ST18: variants seen among roughly 807,000 people sequenced by gnomAD.
ST18 encodes suppression of tumorigenicity 18 protein.
Under a neutral mutation model 110.0 loss-of-function variants are expected in ST18, and 50 were observed. The ratio of observed to expected loss-of-function variants is 0.45; its 90% CI spans 0.36 to 0.58. ST18 has a LOEUF of 0.58. Among genes scored for constraint, ST18 ranks in the 20% least tolerant of loss-of-function variants. The pLI, the probability that ST18 is intolerant of heterozygous loss-of-function variation, is 0.00. For missense variants in ST18, 1,306 were observed against 1,280.1 expected, an observed-to-expected ratio of 1.02 and a Z score of -0.31; for synonymous variants, 461 against 452.4, an observed-to-expected ratio of 1.02 and a Z score of -0.24.
At chr8:52,194,858 A>T (rs1455950329) in intron 8 of ST18, 1 of 152,240 alleles carries the variant, frequency 6.6e-6, no homozygotes, top group Non-Finnish European at 1.5e-5. Flanking sequence ...ATGAACAATC[A>T]TATCATTTTA....
Position 52,163,930 on chromosome 8 carries a change from C to T in ST18, c.1400+56G>A, listed in dbSNP as rs1383603853. On this transcript the variant is annotated intron_variant, in intron 13 of 25. Transcript: ENST00000689386. The stretch of plus-strand genomic sequence containing the variant: ...CTGACTCATGAAGGACCAGAGGCCC[C>T]GCTGTGCAGGAGCCTGGATGAAGAG... 11 of 1,406,702 alleles carry T rather than the reference C, an allele frequency of 7.8e-6. No homozygotes were observed. The East Asian group carries it at 9.3e-5, about 12-fold the overall frequency. The allele number at this position is 1,406,702 out of a possible 1,614,324, so 87.1% of individuals were successfully genotyped here.
At chr8:52,235,886 T>C (rs918864446) in intron 2 of ST18, among the ~76,000 whole-genome samples, 1 of 152,184 alleles carries the variant, frequency 6.6e-6, no homozygotes, top group East Asian at 1.9e-4. Flanking sequence ...AATCATATGC[T>C]ACAATTAGAG....
chr8:52,388,433 A>G (rs879030694), intron 2 of ST18, among the ~76,000 whole-genome samples: 1 of 152,100 alleles, frequency 6.6e-6, no homozygotes, highest in Admixed American at 6.5e-5. Context: ...TTCTCAAGGT[A>G]AAGTGCCATA....
At chr8:52,235,156 C>A (rs962982420) in intron 2 of ST18, among the ~76,000 whole-genome samples, 1 of 151,810 alleles carries the variant, frequency 6.6e-6, no homozygotes, top group South Asian at 2.1e-4. Flanking sequence ...AAAAATTACA[C>A]GATGAATGCC....
chr8:52,399,113 G>A (rs1040902730), intron 2 of ST18, among the ~76,000 whole-genome samples: 1 of 151,848 alleles, frequency 6.6e-6, no homozygotes, highest in African/African-American at 2.4e-5. Flanking sequence ...TTATTCTCTT[G>A]ATTTGTTATT....
At chr8:52,247,639 A>G (rs2093964787) in intron 2 of ST18, among the ~76,000 whole-genome samples, 1 of 152,254 alleles carries the variant, frequency 6.6e-6, no homozygotes, top group Non-Finnish European at 1.5e-5. Flanking sequence ...AGATTCAAAA[A>G]TAAAACATTC....
intron 15 of ST18, among the ~76,000 whole-genome samples, chr8:52,157,718 A>T (rs1298491689): frequency 1.3e-5 from 2 of 152,018 alleles, no homozygotes; most frequent in African/African-American, 4.8e-5. Flanking sequence ...TTGGCCACCA[A>T]CTCTTCCTGG....
At chr8:52,116,488 G>A (rs1435295074) in intron 24 of ST18, 70 bp from the exon 25 acceptor site, 5 of 1,493,784 alleles carry the variant, frequency 3.3e-6, no homozygotes, top group Non-Finnish European at 4.5e-6. Context: ...TCTCCCTGAA[G>A]GAAAATGCAC....
At chr8:52,321,174 G>A (rs933752516) in intron 2 of ST18, among the ~76,000 whole-genome samples, 4 of 152,142 alleles carry the variant, frequency 2.6e-5, no homozygotes, top group South Asian at 2.1e-4. Context: ...ACACCTGGAC[G>A]GGAAGAGACA....
chr8:52,228,918 A>G (rs1397186266), intron 3 of ST18, among the ~76,000 whole-genome samples: 3 of 152,174 alleles, frequency 2.0e-5, no homozygotes, highest in African/African-American at 7.2e-5. Flanking sequence ...AAAAAGTCCA[A>G]TAAAGCATGT....
chr8:52,119,999 A>T (rs149638285), intron 23 of ST18, among the ~76,000 whole-genome samples: 1 of 152,216 alleles, frequency 6.6e-6, no homozygotes, highest in African/African-American at 2.4e-5. Flanking sequence ...TCAGTATGAC[A>T]TGGCTACTAA....
chr8:52,163,998 T>C lies in ST18; in HGVS notation c.1388A>G (p.Asp463Gly). ...TAGGGGTTCATACCTGTGGGCCTGG[T>C]CAGGACACTGCCCAGTTTGGGGAGA... ...LDSPQTGQCP[D>G]QAHRTSLVKQ... is the part of the protein sequence containing the mutation. Residue 463 changes from aspartate to glycine, a missense_variant, in exon 13 of 26, where the codon GAC (aspartate) becomes GGC (glycine). Physicochemically the swap from Asp to Gly is moderately conservative, Grantham distance 94 (BLOSUM62 -1). Coordinates refer to ENST00000689386, the MANE Select transcript of ST18 (RefSeq NM_001352837.2). The C allele has an allele frequency of 1.9e-6, 3 of 1,613,588 alleles. No homozygotes were observed. Among genetic ancestry groups the C allele is most frequent in the Admixed American group, 1.7e-5 (1 of 60,008 alleles).
In ST18 at chr8:52,197,754, T is replaced by C. The variant is rs572957587; in HGVS notation, c.86+14325A>G. On this transcript the variant is annotated intron_variant, in intron 8 of 25. Transcript: ENST00000689386. ...CAAAAAGAAGGAAGGGAAAGAAGTG[T>C]GCACATGTCACAGTTACATAGTCAA... 2.0e-5 allele frequency among the ~76,000 whole-genome samples: 3 copies of C among 151,970 alleles called. No individual in the cohort carries two copies. In the South Asian group the frequency reaches 6.3e-4, roughly 32 times the overall value.
chr8:52,129,993 C>T (rs1255090054), intron 22 of ST18, among the ~76,000 whole-genome samples: 15 of 150,384 alleles, frequency 1.0e-4, no homozygotes, highest in Non-Finnish European at 2.1e-4. Flanking sequence ...TGCAGTGAGC[C>T]GAGGTCGAGC....
intron 15 of ST18, among the ~76,000 whole-genome samples, chr8:52,155,755 T>C (rs1047951405): frequency 6.6e-6 from 1 of 152,182 alleles, no homozygotes; most frequent in African/African-American, 2.4e-5. Context: ...TTCTACAAGA[T>C]CATTTGCAAT....
At chr8:52,148,461 T>C (rs2057952293) in intron 16 of ST18, among the ~76,000 whole-genome samples, 2 of 152,152 alleles carry the variant, frequency 1.3e-5, no homozygotes, top group Non-Finnish European at 2.9e-5. Context: ...CAGTTAGCCA[T>C]TCCTCCCTCT....
intron 2 of ST18, among the ~76,000 whole-genome samples, chr8:52,399,589 G>A (rs1481504252): frequency 6.6e-6 from 1 of 151,310 alleles, no homozygotes. Context: ...TTGCCTCTTA[G>A]TACTATTGTT....
chr8:52,124,342 T>G (rs2046162664), intron 23 of ST18, among the ~76,000 whole-genome samples: 1 of 151,992 alleles, frequency 6.6e-6, no homozygotes, highest in African/African-American at 2.4e-5. Context: ...ACTGGCTAAT[T>G]TTTTTGTATT....
At chr8:52,341,480 C>G (rs1404378987) in intron 2 of ST18, among the ~76,000 whole-genome samples, 1 of 152,236 alleles carries the variant, frequency 6.6e-6, no homozygotes, top group African/African-American at 2.4e-5. Flanking sequence ...GAAATGAAGA[C>G]TGCGTTGCCT....
Sources: gnomAD v4.1 joint callset for allele counts (sites outside exome capture counted in the v4.1 genomes callset) on GRCh38, gnomAD v4.1.1 for gene constraint, MANE v1.5 for transcripts, NCBI Gene and HGNC (gene_info 2026-07-23, HGNC 2026-07-21) for gene names.